The following SCN8A variants were observed in gnomAD, a reference collection of about 807,000 sequenced individuals.
SCN8A encodes sodium voltage-gated channel alpha subunit 8, also known as sodium channel protein type 8 subunit alpha.
A neutral mutation model predicts 184.1 loss-of-function variants in SCN8A; 30 were observed. The ratio of observed to expected loss-of-function variants is 0.16; its 90% confidence interval spans 0.12 to 0.22. SCN8A has a LOEUF of 0.22. Among genes scored for constraint, SCN8A ranks in the 10% least tolerant of loss-of-function variants. The probability of loss-of-function intolerance (pLI) is 1.00; values close to 1 mark genes in which losing one functional copy is unlikely to be tolerated. For missense variants in SCN8A, 1,057 were observed against 2,498.9 expected (o/e 0.42, Z 12.30); for synonymous variants, 852 against 907.0 (o/e 0.94, Z 1.09).
chr12:51,598,281 A>G (rs1032106211), intron 1 of SCN8A, among the ~76,000 whole-genome samples: 3 of 152,160 alleles, frequency 2.0e-5, no homozygotes, highest in Admixed American at 6.6e-5. Context: ...TCATATTTTA[A>G]GAGTAGGTAT....
chr12:51,611,385 G>A (rs992264681), intron 1 of SCN8A, among the ~76,000 whole-genome samples: 15 of 152,052 alleles, frequency 9.9e-5, no homozygotes, highest in African/African-American at 1.2e-4. Flanking sequence ...GGATGGTCTC[G>A]ATCTCCTGAC....
chr12:51,741,214 G>A (rs951962365), intron 12 of SCN8A, among the ~76,000 whole-genome samples: 3 of 152,056 alleles, frequency 2.0e-5, no homozygotes, highest in Non-Finnish European at 1.5e-5. Flanking sequence ...ATGTACTAGC[G>A]ATCTCTGTCT....
chr12:51,687,267 G>T (rs757405125), intron 5 of SCN8A, 48 bp downstream of exon 5: 1 of 1,606,418 alleles, frequency 6.2e-7, no homozygotes, highest in South Asian at 1.1e-5. Flanking sequence ...GATTCTGTGT[G>T]TGGAGTTGTA....
chr12:51,750,533 G>A (rs573951703), intron 13 of SCN8A, among the ~76,000 whole-genome samples: 1 of 152,266 alleles, frequency 6.6e-6, no homozygotes, highest in African/African-American at 2.4e-5. Context: ...ACTCAACCAT[G>A]AGCTGTAAAC....
At chr12:51,657,254 A>G (rs1940839549) in intron 1 of SCN8A, among the ~76,000 whole-genome samples, 1 of 152,140 alleles carries the variant, frequency 6.6e-6, no homozygotes, top group Admixed American at 6.5e-5. Flanking sequence ...GTAATGATCA[A>G]ATTAGGGTAA....
At chr12:51,650,624 A>T (rs1030939582) in intron 1 of SCN8A, among the ~76,000 whole-genome samples, 1 of 151,304 alleles carries the variant, frequency 6.6e-6, no homozygotes, top group African/African-American at 2.4e-5. Flanking sequence ...TGGCCCCAAA[A>T]CTGGCCATAA....
chr12:51,751,563 A>G lies in SCN8A; in HGVS notation c.2340A>G (p.Gln780=). 6.2e-7 allele frequency: 1 copy of G among 1,613,740 alleles called. No homozygotes were observed. The highest frequency in any genetic ancestry group is 1.3e-5 in the African/African-American group (1 of 75,028). The change falls in exon 14 of 27, where the codon CAA becomes CAG. Residue 780 remains glutamine, a synonymous_variant. Transcript: ENST00000627620. ...MAMEHHPMTP[Q]FEHVLAVGNL... ...TGGAGCACCATCCTATGACACCACA[A>G]TTTGAACATGTCTTGGCTGTAGGAA...
intron 1 of SCN8A, among the ~76,000 whole-genome samples, chr12:51,628,322 T>C (rs974626446): frequency 1.6e-4 from 24 of 152,236 alleles, no homozygotes; most frequent in Non-Finnish European, 1.3e-4. Context: ...ATTGTGATTA[T>C]GTGGACTGGC....
intron 1 of SCN8A, among the ~76,000 whole-genome samples, chr12:51,595,381 C>A (rs1939324117): frequency 1.3e-5 from 2 of 152,078 alleles, no homozygotes; most frequent in African/African-American, 4.8e-5. Flanking sequence ...AAAAATTATC[C>A]CTTTGTGAAG....
chr12:51,694,777 G>T (rs1462027655), intron 6 of SCN8A, among the ~76,000 whole-genome samples: 1 of 152,166 alleles, frequency 6.6e-6, no homozygotes, highest in African/African-American at 2.4e-5. Flanking sequence ...TCTGGCTTGT[G>T]TCAGGTCAGG....
intron 12 of SCN8A, among the ~76,000 whole-genome samples, chr12:51,725,138 G>C (rs1942136443): frequency 6.6e-6 from 1 of 152,120 alleles, no homozygotes; most frequent in African/African-American, 2.4e-5. Flanking sequence ...TCATTCCCAA[G>C]GGCCTCATAA....
chr12:51,689,880 C>G (rs1941479088), intron 6 of SCN8A: 1 of 152,112 alleles, frequency 6.6e-6, no homozygotes, highest in African/African-American at 2.4e-5. Flanking sequence ...GATTGACAAC[C>G]TCTTTAAAAT....
At chr12:51,618,254 A>G (rs1216569543) in intron 1 of SCN8A, among the ~76,000 whole-genome samples, 2 of 152,052 alleles carry the variant, frequency 1.3e-5, no homozygotes, top group Non-Finnish European at 2.9e-5. Flanking sequence ...ACTGCTGCTT[A>G]ACTACTGTGA....
intron 12 of SCN8A, among the ~76,000 whole-genome samples, chr12:51,743,011 A>G (rs148433585): frequency 6.6e-6 from 1 of 152,204 alleles, no homozygotes; most frequent in East Asian, 1.9e-4. Context: ...TGCATTGTTT[A>G]GTATTCAGTT....
At chr12:51,598,348 C>T (rs910305609) in intron 1 of SCN8A, among the ~76,000 whole-genome samples, 2 of 152,164 alleles carry the variant, frequency 1.3e-5, no homozygotes, top group Admixed American at 6.6e-5. Flanking sequence ...ACCAGATCCT[C>T]ATCTGCTGGA....
Position 51,700,927 on chromosome 12 carries a change from T to C in SCN8A, c.929-217T>C, listed in dbSNP as rs546062804. On this transcript the variant is annotated intron_variant, in intron 7 of 26. Transcript: ENST00000627620. Reference sequence around the variant, plus strand: ...AAGTTGGGTGTCTGTGAAAACTATATTGCATCAAGAACTTTGGGATAGCAC... The same window carrying C: ...AAGTTGGGTGTCTGTGAAAACTATACTGCATCAAGAACTTTGGGATAGCAC... Among the ~76,000 whole-genome samples the C allele has an allele frequency of 7.2e-5, 11 of 152,328 alleles. 1 individual carries two copies. The highest frequency in any genetic ancestry group is 3.4e-3 in the Middle Eastern group (1 of 294).
intron 16 of SCN8A, among the ~76,000 whole-genome samples, chr12:51,767,357 T>G (rs1200095421): frequency 6.6e-6 from 1 of 152,228 alleles, no homozygotes; most frequent in East Asian, 1.9e-4. Flanking sequence ...ATGACACTTT[T>G]CAGGTTCCCC....
intron 25 of SCN8A, among the ~76,000 whole-genome samples, chr12:51,793,683 A>G (rs1423753596): frequency 6.6e-6 from 1 of 152,096 alleles, no homozygotes. Flanking sequence ...GCAAAAGAGA[A>G]GTGGGTCAGC....
rs998275281 is a variant in SCN8A at position 51,706,722 on chromosome 12, T to C, written c.1635+7T>C. On this transcript the variant is annotated splice_region_variant and intron_variant, in intron 11 of 26. Coordinates refer to ENST00000627620, the MANE Select transcript of SCN8A (RefSeq NM_001330260.2). ...ATTTTCCATCATGAATCAGGTAAAC[T>C]CTTCTTTTTTCTATACCTTTTTCAA... is the stretch of plus-strand genomic sequence containing the variant. The C allele has an allele frequency of 1.3e-6, 2 of 1,506,142 alleles. No individual in the cohort carries two copies. The highest frequency in any genetic ancestry group is 2.4e-5 in the Admixed American group (1 of 41,676). The allele number at this position is 1,506,142 out of a possible 1,614,324, so 93.3% of individuals were successfully genotyped here.
Sources: gnomAD v4.1 joint callset for allele counts (sites outside exome capture counted in the v4.1 genomes callset) on GRCh38, gnomAD v4.1.1 for gene constraint, MANE v1.5 for transcripts, NCBI Gene and HGNC (gene_info 2026-07-23, HGNC 2026-07-21) for gene names.